Variants in ADAM19 observed in about 807,000 individuals in gnomAD.
The protein encoded by ADAM19 is disintegrin and metalloproteinase domain-containing protein 19.
A neutral mutation model predicts 114.7 loss-of-function variants in ADAM19; 65 were observed. The observed-to-expected ratio is 0.57, with a 90% confidence interval of 0.46 to 0.70. The LOEUF is 0.70. Among genes scored for constraint, ADAM19 ranks in the 30% least tolerant of loss-of-function variants. The pLI is 0.00. For missense variants in ADAM19, 1,063 were observed against 1,204.7 expected (o/e 0.88, Z 1.74); for synonymous variants, 466 against 460.5 (o/e 1.01, Z -0.15).
intron 9 of ADAM19, among the ~76,000 whole-genome samples, chr5:157,507,491 T>C (rs367625176): frequency 6.6e-6 from 1 of 152,262 alleles, no homozygotes; most frequent in Admixed American, 6.5e-5. Context: ...GAGAGGTTGA[T>C]GGAAGGGTGG....
rs757416150 is a variant in ADAM19 at position 157,509,283 on chromosome 5, T to C, written c.905+18A>G. Reference sequence around the variant, plus strand: ...TTGCAGCCAAGGACAACACAACATATGGAAAAAGGCTATTTACGTGATTAA... The same window carrying C: ...TTGCAGCCAAGGACAACACAACATACGGAAAAAGGCTATTTACGTGATTAA... On this transcript the variant is annotated intron_variant, in intron 9 of 22. Coordinates refer to ENST00000257527, the MANE Select transcript of ADAM19 (RefSeq NM_033274.5). The C allele has an allele frequency of 1.1e-5, 17 of 1,596,996 alleles. No individual in the cohort carries two copies. The South Asian group carries it at 1.7e-4, about 16-fold the overall frequency.
At chr5:157,574,540 G>C (rs969907733) in intron 1 of ADAM19, among the ~76,000 whole-genome samples, 10 of 152,136 alleles carry the variant, frequency 6.6e-5, no homozygotes, top group African/African-American at 2.4e-4. Flanking sequence ...CGGGGGTCCA[G>C]CCAGCCCACC....
intron 16 of ADAM19, 30 bp downstream of exon 16, chr5:157,492,943 G>T: frequency 6.2e-7 from 1 of 1,611,174 alleles, no homozygotes; most frequent in African/African-American, 1.3e-5. Flanking sequence ...TCTGCAGCTG[G>T]CTCCTAGGTG....
intron 5 of ADAM19, among the ~76,000 whole-genome samples, chr5:157,528,312 G>A (rs1426506978): frequency 6.6e-6 from 1 of 152,176 alleles, no homozygotes; most frequent in Non-Finnish European, 1.5e-5. Flanking sequence ...AGCTCACCCG[G>A]TATCCCCCTC....
In ADAM19 at chr5:157,479,401, G is replaced by A. The variant is rs1179048373; in HGVS notation, c.*1548C>T. 2.0e-6 allele frequency: 2 copies of A among 985,924 alleles called. No individual in the cohort carries two copies. The highest frequency in any genetic ancestry group is 3.5e-5 in the African/African-American group (2 of 57,248). The allele number at this position is 985,924 out of a possible 1,614,324, so 61.1% of individuals were successfully genotyped here. On this transcript the variant is annotated 3_prime_UTR_variant, in exon 23 of 23. Coordinates refer to ENST00000257527, the MANE Select transcript of ADAM19 (RefSeq NM_033274.5). ...CAAACAATTGCTCATGGCAGGATGG[G>A]AGGAGGCCCCAGGAAAGCCTCAGAG...
chr5:157,509,215 G>T, intron 9 of ADAM19, 86 bp downstream of exon 9: 1 of 1,393,956 alleles, frequency 7.2e-7, no homozygotes, highest in South Asian at 1.6e-5. Flanking sequence ...ACCAACACTC[G>T]CCATGGGGCA....
chr5:157,544,918 A>G (rs1757008061), intron 3 of ADAM19, among the ~76,000 whole-genome samples: 1 of 152,188 alleles, frequency 6.6e-6, no homozygotes, highest in Non-Finnish European at 1.5e-5. Flanking sequence ...TATCATAAAG[A>G]AAAACGGTGT....
chr5:157,570,501 T>G (rs1010921345), intron 2 of ADAM19: 3 of 164,342 alleles, frequency 1.8e-5, no homozygotes, highest in African/African-American at 7.2e-5. Context: ...AAATAGTTTA[T>G]AGTTTATATT....
At chr5:157,545,956 C>A (rs374287747) in intron 3 of ADAM19, among the ~76,000 whole-genome samples, 14 of 152,360 alleles carry the variant, frequency 9.2e-5, no homozygotes, top group African/African-American at 3.4e-4. Flanking sequence ...GACGCAGCAC[C>A]TTTCTGAGCA....
At chr5:157,505,588 C>G in intron 11 of ADAM19, 81 bp downstream of exon 11, 1 of 1,493,576 alleles carries the variant, frequency 6.7e-7, no homozygotes, top group Non-Finnish European at 9.0e-7. Context: ...CTCAGTGGGG[C>G]CAGCTGGGAG....
At chr5:157,521,290 G>A (rs1372218581) in intron 5 of ADAM19, among the ~76,000 whole-genome samples, 1 of 152,174 alleles carries the variant, frequency 6.6e-6, no homozygotes, top group East Asian at 1.9e-4. Flanking sequence ...AAGGCTTAGT[G>A]GGAGGAGGAA....
chr5:157,575,767 G>A lies in ADAM19; in HGVS notation c.-71C>T. The A allele has an allele frequency of 1.7e-6, 2 of 1,149,552 alleles. No individual in the cohort carries two copies. The highest frequency in any genetic ancestry group is 2.2e-6 in the Non-Finnish European group (2 of 909,152). 71.2% of individuals were successfully genotyped at this position (1,149,552 alleles called of 1,614,324 possible). On this transcript the variant is annotated 5_prime_UTR_variant, in exon 1 of 23. Transcript: ENST00000257527. ...TACCTGCCCACTGCCCGGCGGTGGA[G>A]GCGCGTCTGGAACCCCCCGGCTCGC...
intron 14 of ADAM19, among the ~76,000 whole-genome samples, chr5:157,496,676 A>AT (rs1228647235): frequency 2.0e-5 from 3 of 152,110 alleles, no homozygotes; most frequent in African/African-American, 7.2e-5. Flanking sequence ...GATTACTCTT[A>AT]TTCAATTGTC....
chr5:157,531,097 T>C (rs999325593), intron 4 of ADAM19, among the ~76,000 whole-genome samples: 3 of 152,136 alleles, frequency 2.0e-5, no homozygotes, highest in Admixed American at 6.6e-5. Context: ...ATTATCTCCA[T>C]GAAGCAGATG....
chr5:157,483,886 G>A (rs576928651), intron 21 of ADAM19, among the ~76,000 whole-genome samples: 1 of 151,858 alleles, frequency 6.6e-6, no homozygotes, highest in South Asian at 2.1e-4. Context: ...GCCTGCCTTG[G>A]CCTCCCAAAG....
At chr5:157,512,659 C>A (rs1755958126) in intron 8 of ADAM19, among the ~76,000 whole-genome samples, 1 of 152,152 alleles carries the variant, frequency 6.6e-6, no homozygotes, top group African/African-American at 2.4e-5. Flanking sequence ...TAGTAAAATT[C>A]AAAAATGTAG....
chr5:157,500,737 C>T (rs542214531), intron 12 of ADAM19, among the ~76,000 whole-genome samples: 6 of 152,312 alleles, frequency 3.9e-5, no homozygotes, highest in Non-Finnish European at 8.8e-5. Context: ...AGAAGATCTC[C>T]ATGGGTTCCT....
At chr5:157,564,961 C>G (rs1161349310) in intron 2 of ADAM19, among the ~76,000 whole-genome samples, 1 of 152,116 alleles carries the variant, frequency 6.6e-6, no homozygotes, top group African/African-American at 2.4e-5. Context: ...ATACATATTG[C>G]CTATTATCTT....
intron 20 of ADAM19, 116 bp downstream of exon 20, chr5:157,488,986 C>T (rs1179877447): frequency 1.2e-5 from 9 of 753,564 alleles, no homozygotes; most frequent in South Asian, 1.6e-5. Context: ...GCTGAGATGG[C>T]GCCACTGTAC....
Sources: allele counts gnomAD v4.1 joint callset (sites outside exome capture counted in the v4.1 genomes callset), GRCh38; gene constraint gnomAD v4.1.1; transcripts MANE v1.5; gene names NCBI Gene and HGNC (gene_info 2026-07-23, HGNC 2026-07-21).